The following INPP4A variants were observed in gnomAD, a reference collection of about 807,000 sequenced individuals.
The protein encoded by INPP4A is inositol polyphosphate-4-phosphatase, type I, 107kD.
Under a neutral mutation model 119.8 loss-of-function variants are expected in INPP4A, and 33 were observed. That is an observed-to-expected ratio of 0.28 (90% CI 0.21 to 0.37). The LOEUF is 0.37. Ranked by LOEUF, INPP4A falls within the 10% of genes least tolerant of loss-of-function variation. INPP4A has a pLI of 1.00. For synonymous variants in INPP4A, 496 were observed against 500.7 expected (o/e 0.99, Z 0.12); for missense variants, 956 against 1,289.9 (o/e 0.74, Z 3.97).
chr2:98,538,865 T>G, intron 8 of INPP4A, 26 bp from the exon 9 acceptor site: 1 of 1,401,568 alleles, frequency 7.1e-7, no homozygotes, highest in Non-Finnish European at 1.0e-6. Context: ...CACAGTTTTC[T>G]TGTGCATTTC....
chr2:98,538,085 T>C, intron 8 of INPP4A, 111 bp downstream of exon 8: 1 of 689,898 alleles, frequency 1.4e-6, no homozygotes, highest in East Asian at 2.7e-5. Flanking sequence ...CAGGGCCTGC[T>C]GCTTGATGCT....
At chr2:98,579,885 A>G (rs1229272547) in intron 24 of INPP4A, among the ~76,000 whole-genome samples, 1 of 152,274 alleles carries the variant, frequency 6.6e-6, no homozygotes, top group East Asian at 1.9e-4. Context: ...AACAAAGCTC[A>G]ATCCTACTTT....
intron 24 of INPP4A, among the ~76,000 whole-genome samples, chr2:98,584,456 A>C (rs935085304): frequency 5.3e-5 from 8 of 152,212 alleles, no homozygotes; most frequent in African/African-American, 1.9e-4. Context: ...GGGCTCAAGG[A>C]TGCTTCTGTG....
chr2:98,456,192 G>C (rs756460796), intron 1 of INPP4A, among the ~76,000 whole-genome samples: 4 of 152,050 alleles, frequency 2.6e-5, no homozygotes, highest in Non-Finnish European at 5.9e-5. Context: ...AGGATACATG[G>C]ACTTGAAATT....
At chr2:98,557,668 T>G (rs1262113157) in intron 16 of INPP4A, among the ~76,000 whole-genome samples, 5 of 152,246 alleles carry the variant, frequency 3.3e-5, no homozygotes, top group African/African-American at 1.2e-4. Context: ...TGGTTTTTAT[T>G]TTTCACCAGG....
intron 1 of INPP4A, among the ~76,000 whole-genome samples, chr2:98,484,077 G>A (rs796407193): frequency 1.2e-4 from 19 of 152,162 alleles, no homozygotes; most frequent in African/African-American, 4.3e-4. Flanking sequence ...AGGTGGGCTT[G>A]GAATCTCTTT....
intron 24 of INPP4A, among the ~76,000 whole-genome samples, chr2:98,585,017 G>A (rs1364560608): frequency 6.6e-6 from 1 of 152,238 alleles, no homozygotes; most frequent in Admixed American, 6.5e-5. Flanking sequence ...ATGTCAGCCA[G>A]CTCTAGGTGT....
chr2:98,581,010 C>T (rs921897027), intron 24 of INPP4A, among the ~76,000 whole-genome samples: 13 of 152,158 alleles, frequency 8.5e-5, no homozygotes, highest in African/African-American at 2.7e-4. Flanking sequence ...GAACCCGAGG[C>T]GGGGCTGGTG....
chr2:98,543,558 G>T (rs187529978), intron 10 of INPP4A, among the ~76,000 whole-genome samples: 1 of 152,156 alleles, frequency 6.6e-6, no homozygotes, highest in East Asian at 1.9e-4. Context: ...CCTGCAGGTC[G>T]TCAGGGTAAA....
rs777544874 is a variant in INPP4A, at chr2:98,570,141, C to T, written c.2518+1473C>T. 5.3e-5 allele frequency among the ~76,000 whole-genome samples: 8 copies of T among 152,100 alleles called. No individual in the cohort carries two copies. The highest frequency in any genetic ancestry group is 2.1e-4 in the South Asian group (1 of 4,818). ...GGGGCCGTCCCGCTGATGAGAGAGGCGCAGGGCTACAGGGGACCGACAGCG... is the reference window on the plus strand; with the variant it reads ...GGGGCCGTCCCGCTGATGAGAGAGGTGCAGGGCTACAGGGGACCGACAGCG... On this transcript the variant is annotated intron_variant, in intron 22 of 24. Transcript: ENST00000409851. This position sits in a 1 kb window ranked among gnomAD's most constrained non-coding sequence, Gnocchi z 4.3.
At chr2:98,485,165 A>G (rs997799130) in intron 1 of INPP4A, among the ~76,000 whole-genome samples, 2 of 152,244 alleles carry the variant, frequency 1.3e-5, no homozygotes, top group African/African-American at 4.8e-5. Context: ...CATCCTGATC[A>G]TGCAGGGTCC....
intron 1 of INPP4A, among the ~76,000 whole-genome samples, chr2:98,463,940 G>C (rs1674166341): frequency 6.6e-6 from 1 of 152,202 alleles, no homozygotes; most frequent in African/African-American, 2.4e-5. Flanking sequence ...GTAGTCAGTT[G>C]GCTTAGGGTA....
rs868093449 is a variant in INPP4A at position 98,589,033 on chromosome 2, A to G, written c.*1425A>G. On this transcript the variant is annotated 3_prime_UTR_variant, in exon 25 of 25. Transcript: ENST00000409851. ...TGGCAGGAACACAGAGGGGGTGGGC[A>G]TCAGGTAGGGTGGAACTGGATGACC... The G allele has an allele frequency of 5.5e-6, 1 of 182,858 alleles. No individual in the cohort carries two copies. Among genetic ancestry groups the G allele is most frequent in the Non-Finnish European group, 1.2e-5 (1 of 86,026 alleles). 11.3% of individuals were successfully genotyped at this position (182,858 alleles called of 1,614,324 possible).
intron 4 of INPP4A, among the ~76,000 whole-genome samples, chr2:98,528,643 T>C (rs144947250): frequency 2.0e-5 from 3 of 152,320 alleles, no homozygotes; most frequent in African/African-American, 7.2e-5. Context: ...ACAGAATCTT[T>C]AAAATAGCAA....
intron 1 of INPP4A, among the ~76,000 whole-genome samples, chr2:98,503,641 C>G (rs1479190514): frequency 6.6e-6 from 1 of 152,230 alleles, no homozygotes; most frequent in Non-Finnish European, 1.5e-5. Context: ...TTCTGATTCA[C>G]TTGTGTGTTC....
chr2:98,539,443 C>T, intron 9 of INPP4A, 85 bp from the exon 10 acceptor site: 1 of 1,449,342 alleles, frequency 6.9e-7, no homozygotes, highest in Non-Finnish European at 9.4e-7. Context: ...GTGTCACCAT[C>T]CCTGAGGGCC....
intron 24 of INPP4A, among the ~76,000 whole-genome samples, chr2:98,585,441 C>T (rs1033383628): frequency 1.3e-5 from 2 of 152,242 alleles, no homozygotes; most frequent in South Asian, 2.1e-4. Context: ...TTAAGTCCCT[C>T]TTGCTAAAAT....
chr2:98,553,483 T>C (rs752770686), intron 14 of INPP4A, among the ~76,000 whole-genome samples: 5 of 152,180 alleles, frequency 3.3e-5, no homozygotes, highest in Non-Finnish European at 5.9e-5. Context: ...GTGGCTATTA[T>C]CAGACCCTTT....
At chr2:98,503,470 G>C (rs1683504042) in intron 1 of INPP4A, among the ~76,000 whole-genome samples, 1 of 152,220 alleles carries the variant, frequency 6.6e-6, no homozygotes, top group Non-Finnish European at 1.5e-5. Flanking sequence ...TTTGAAGTCA[G>C]ATCAACTCGC....
Sources: gnomAD v4.1 joint callset for allele counts (sites outside exome capture counted in the v4.1 genomes callset) on GRCh38, gnomAD v4.1.1 for gene constraint, Gnocchi (gnomAD v3.1) non-coding constraint, MANE v1.5 for transcripts, NCBI Gene and HGNC (gene_info 2026-07-23, HGNC 2026-07-21) for gene names.